Variants in BTBD9 observed in about 807,000 individuals in gnomAD.
The protein encoded by BTBD9 is BTB domain containing 9.
Under a neutral mutation model 64.3 loss-of-function variants are expected in BTBD9, and 49 were observed. The observed-to-expected ratio is 0.76, with a 90% CI of 0.61 to 0.97. The LOEUF (loss-of-function observed/expected upper bound fraction) is 0.97, where lower values mean the gene tolerates loss of function less well. BTBD9 is among the 50% of genes least tolerant of loss of function. The pLI, the probability that BTBD9 is intolerant of heterozygous loss-of-function variation, is 0.00. For synonymous variants in BTBD9, 260 were observed against 274.7 expected, an observed-to-expected ratio of 0.95 and a Z score of 0.53; for missense variants, 598 against 762.1, an observed-to-expected ratio of 0.78 and a Z score of 2.53.
chr6:38,279,164 G>T (rs904414018), intron 8 of BTBD9, among the ~76,000 whole-genome samples: 8 of 47,138 alleles, frequency 1.7e-4, no homozygotes, highest in African/African-American at 1.5e-3. Flanking sequence ...GCAAGAAGAG[G>T]AGATGAAAGA....
intron 1 of BTBD9, among the ~76,000 whole-genome samples, chr6:38,615,200 T>C (rs913733314): frequency 6.6e-6 from 1 of 152,258 alleles, no homozygotes; most frequent in African/African-American, 2.4e-5. Context: ...CAGCCTTCCT[T>C]GACCTGGGTC....
At chr6:38,487,001 T>C (rs1048458529) in intron 6 of BTBD9, among the ~76,000 whole-genome samples, 1 of 152,266 alleles carries the variant, frequency 6.6e-6, no homozygotes, top group African/African-American at 2.4e-5. Flanking sequence ...TTAACACTTA[T>C]GTTTACAAGA....
At chr6:38,445,259 T>A (rs1453839592) in intron 6 of BTBD9, among the ~76,000 whole-genome samples, 1 of 152,250 alleles carries the variant, frequency 6.6e-6, no homozygotes, top group African/African-American at 2.4e-5. Flanking sequence ...CTATTCTGAC[T>A]GATATAGTAA....
At chr6:38,479,176 A>G (rs114971544) in intron 6 of BTBD9, among the ~76,000 whole-genome samples, 3,206 of 152,298 alleles carry the variant, frequency 0.021, 53 homozygotes, top group Middle Eastern at 0.051. Flanking sequence ...GTTTCCAAAT[A>G]TACAATGAAA....
chr6:38,615,592 T>C (rs1699007), intron 1 of BTBD9, among the ~76,000 whole-genome samples: 106,900 of 152,034 alleles, frequency 0.7, 38,992 homozygotes, highest in African/African-American at 0.92. Flanking sequence ...CAAAGCTTCA[T>C]ACTACTGGCC....
chr6:38,627,757 T>G (rs893719773), intron 1 of BTBD9, among the ~76,000 whole-genome samples: 2 of 152,062 alleles, frequency 1.3e-5, no homozygotes, highest in African/African-American at 4.8e-5. Flanking sequence ...AACAAATGAG[T>G]CGCTCAATGA....
chr6:38,238,912 A>C (rs1763891218), intron 9 of BTBD9, among the ~76,000 whole-genome samples: 1 of 152,210 alleles, frequency 6.6e-6, no homozygotes, highest in South Asian at 2.1e-4. Flanking sequence ...AAAAGGGAAG[A>C]GGGTATAATG....
chr6:38,399,827 C>A (rs748847628), intron 6 of BTBD9, among the ~76,000 whole-genome samples: 1 of 152,164 alleles, frequency 6.6e-6, no homozygotes, highest in Non-Finnish European at 1.5e-5. Context: ...TCTCAGCTCA[C>A]CACAACCTCC....
intron 6 of BTBD9, among the ~76,000 whole-genome samples, chr6:38,528,414 G>A (rs1229280353): frequency 2.0e-5 from 3 of 152,090 alleles, no homozygotes; most frequent in Non-Finnish European, 4.4e-5. Flanking sequence ...GTGGACCTGG[G>A]GGGCACGTGA....
intron 7 of BTBD9, among the ~76,000 whole-genome samples, chr6:38,301,072 G>A (rs1303599967): frequency 1.3e-5 from 2 of 152,116 alleles, no homozygotes; most frequent in African/African-American, 2.4e-5. Flanking sequence ...AGCATGAAGT[G>A]TTGTTGAATT....
intron 6 of BTBD9, among the ~76,000 whole-genome samples, chr6:38,468,868 C>T (rs934817645): frequency 6.6e-6 from 1 of 152,144 alleles, no homozygotes; most frequent in Non-Finnish European, 1.5e-5. Flanking sequence ...GGTTGCTTTA[C>T]CTCTCTCTGA....
chr6:38,332,627 G>A (rs1763724652), intron 7 of BTBD9, among the ~76,000 whole-genome samples: 4 of 151,502 alleles, frequency 2.6e-5, no homozygotes. Flanking sequence ...AAGGGGATGG[G>A]GAGAAGGAAA....
intron 5 of BTBD9, 142 bp from the exon 6 acceptor site, chr6:38,577,861 A>G: frequency 1.3e-6 from 1 of 775,192 alleles, no homozygotes; most frequent in Non-Finnish European, 2.0e-6. Context: ...CTAATAACAA[A>G]AGAATGTTAT....
chr6:38,365,657 C>T (rs964820062), intron 6 of BTBD9, among the ~76,000 whole-genome samples: 5 of 151,700 alleles, frequency 3.3e-5, no homozygotes, highest in Non-Finnish European at 7.4e-5. Flanking sequence ...TCTCAGAAGA[C>T]TGAGGTGGGA....
chr6:38,297,120 C>T (rs567898997), intron 7 of BTBD9, among the ~76,000 whole-genome samples: 2 of 152,306 alleles, frequency 1.3e-5, no homozygotes, highest in East Asian at 3.9e-4. Flanking sequence ...GTAATCCCAG[C>T]ACTTTGGGAG....
At chr6:38,424,771 C>T (rs1238812752) in intron 6 of BTBD9, among the ~76,000 whole-genome samples, 1 of 151,926 alleles carries the variant, frequency 6.6e-6, no homozygotes, top group East Asian at 1.9e-4. Context: ...CCTGCCTCAG[C>T]CTCCCAAAGG....
At chr6:38,292,003 C>T (rs1404321945) in intron 7 of BTBD9, among the ~76,000 whole-genome samples, 1 of 151,240 alleles carries the variant, frequency 6.6e-6, no homozygotes, top group Non-Finnish European at 1.5e-5. Flanking sequence ...CTCTTGTTGC[C>T]CAGGCCGGAG....
chr6:38,596,083 A>T (rs1777020256), intron 2 of BTBD9: 3 of 984,224 alleles, frequency 3.0e-6, no homozygotes, highest in Non-Finnish European at 3.6e-6. Flanking sequence ...TTGATAGGCT[A>T]TTATGACAGC....
In BTBD9 at chr6:38,609,513, C is replaced by A. The variant is rs182677879; in HGVS notation, c.-27-11392G>T. 3.9e-5 allele frequency among the ~76,000 whole-genome samples: 6 copies of A among 152,242 alleles called. No homozygotes were observed. In the East Asian group the frequency reaches 1.2e-3, roughly 29 times the overall value. ...AGCAAATATGTGGCCTGCCTTTCAC[C>A]TTCTTCTATGTGTACATACACTTCA... On this transcript the variant is annotated intron_variant, in intron 1 of 10. Coordinates refer to ENST00000481247, the MANE Select transcript of BTBD9 (RefSeq NM_001099272.2).
Sources: allele counts gnomAD v4.1 joint callset (sites outside exome capture counted in the v4.1 genomes callset), GRCh38; gene constraint gnomAD v4.1.1; transcripts MANE v1.5; gene names NCBI Gene and HGNC (gene_info 2026-07-23, HGNC 2026-07-21).